DUOX1: variants seen among roughly 807,000 people sequenced by gnomAD.
The protein encoded by DUOX1 is dual oxidase 1.
Under a neutral mutation model 181.8 loss-of-function variants are expected in DUOX1, and 134 were observed. The observed-to-expected ratio is 0.74, with a 90% CI of 0.64 to 0.85. DUOX1 has a LOEUF of 0.85. Among genes scored for constraint, DUOX1 ranks in the 40% least tolerant of loss-of-function variants. DUOX1 has a pLI of 0.00. For synonymous variants in DUOX1, 798 were observed against 832.5 expected, an observed-to-expected ratio of 0.96 and a Z score of 0.71; for missense variants, 1,814 against 2,064.4, an observed-to-expected ratio of 0.88 and a Z score of 2.35.
intron 28 of DUOX1, among the ~76,000 whole-genome samples, chr15:45,157,067 T>C (rs552314937): frequency 2.6e-5 from 4 of 152,328 alleles, no homozygotes; most frequent in South Asian, 2.1e-4. Flanking sequence ...AACTGCACCA[T>C]GGCCTCGGTC....
Position 45,164,831 on chromosome 15 carries a change from T to C in DUOX1, c.4586T>C (p.Val1529Ala). The stretch of plus-strand genomic sequence containing the variant: ...GGCCCCCCTGGCATGACCAAGAATG[T>C]GGAAAAGGCCTGTCAGCTCATCAAC... ...SCGPPGMTKN[V>A]EKACQLINRQ... The change falls in exon 34 of 34, where the codon GTG becomes GCG. Residue 1529 changes from valine to alanine, a missense_variant. Physicochemically the swap from Val to Ala is moderately conservative, Grantham distance 64. This residue lies in a region of DUOX1 where 124 missense variants were observed against 125.7 expected (regional missense o/e 0.99). Coordinates refer to ENST00000389037, the MANE Select transcript of DUOX1 (RefSeq NM_175940.3). 2 of 1,614,048 alleles carry C rather than the reference T, an allele frequency of 1.2e-6. No individual in the cohort carries two copies. The highest frequency in any genetic ancestry group is 3.3e-4 in the Middle Eastern group (2 of 6,062).
Position 45,147,974 on chromosome 15 carries a change from G to A in DUOX1, c.2619G>A (p.Lys873=). The change falls in exon 20 of 34, where the codon AAG becomes AAA. Residue 873 remains lysine, a synonymous_variant. Coordinates refer to ENST00000389037, the MANE Select transcript of DUOX1 (RefSeq NM_175940.3). ...TTGATGGGAATGGCCTCATTTCCAA[G>A]GATGAGTTCATCAGGATGCTGAGGT... is the stretch of plus-strand genomic sequence containing the variant. ...YDFDGNGLIS[K]DEFIRMLRSF... The A allele has an allele frequency of 6.2e-7, 1 of 1,614,106 alleles. No individual in the cohort carries two copies. The highest frequency in any genetic ancestry group is 8.5e-7 in the Non-Finnish European group (1 of 1,179,918).
rs961368636 is a variant in DUOX1 at position 45,152,461 on chromosome 15, C to T, written c.3369C>T (p.Phe1123=). The T allele has an allele frequency of 2.5e-6, 4 of 1,614,082 alleles. No individual in the cohort carries two copies. The African/African-American group carries it at 4.0e-5, about 16-fold the overall frequency. The change falls in exon 25 of 34, where the codon TTC becomes TTT. Residue 1123 remains phenylalanine (F), a synonymous_variant. Coordinates refer to ENST00000389037, the MANE Select transcript of DUOX1 (RefSeq NM_175940.3). ...RETFLNRYVP[F]DAAVDFHRLI... is the part of the protein sequence containing the mutation. ...CCTTCCTCAACCGCTACGTGCCCTT[C>T]GACGCCGCCGTGGACTTCCATCGCC... is the stretch of plus-strand genomic sequence containing the variant.
In DUOX1 at chr15:45,144,093, C is replaced by T. The variant is rs1284175511; in HGVS notation, c.1994C>T (p.Pro665Leu). The T allele has an allele frequency of 6.2e-7, 1 of 1,613,896 alleles. No individual in the cohort carries two copies. Among genetic ancestry groups the T allele is most frequent in the African/African-American group, 1.3e-5 (1 of 74,934 alleles). The change falls in exon 17 of 34, where the codon CCC (proline) becomes CTC (leucine). Residue 665 changes from proline to leucine, a missense_variant. Transcript: ENST00000389037. ...PCRPVLVYLQ[P>L]GQIRVVDGRL... ...CGGCCCGTGCTTGTGTACCTGCAGCCCGGGCAGATCCGTGTGGTAGATGGC... is the reference window on the plus strand; with the variant it reads ...CGGCCCGTGCTTGTGTACCTGCAGCTCGGGCAGATCCGTGTGGTAGATGGC...
intron 28 of DUOX1, among the ~76,000 whole-genome samples, chr15:45,156,389 AG>A (rs1896970235): frequency 6.6e-6 from 1 of 152,182 alleles, no homozygotes; most frequent in Non-Finnish European, 1.5e-5. Context: ...ACAGTATATA[AG>A]CTTGTTCAAA....
intron 29 of DUOX1, among the ~76,000 whole-genome samples, chr15:45,161,414 T>TAAA: frequency 1.5e-4 from 2 of 13,336 alleles, no homozygotes; most frequent in Non-Finnish European, 2.6e-4. Context: ...TGAGACTGTG[T>TAAA]CAAAAAAAAA....
At chr15:45,158,788 C>A (rs1475577752) in intron 28 of DUOX1, among the ~76,000 whole-genome samples, 1 of 150,564 alleles carries the variant, frequency 6.6e-6, no homozygotes. Flanking sequence ...TAGGGCCCAG[C>A]AGCAGAAGGG....
rs747950105 is a variant in DUOX1, at chr15:45,136,605, GC to G, written c.1007del (p.Pro336LeufsTer5). 10 of 1,613,898 alleles carry G rather than the reference GC, an allele frequency of 6.2e-6. No individual in the cohort carries two copies. The highest frequency in any genetic ancestry group is 8.5e-6 in the Non-Finnish European group (10 of 1,180,014). On this transcript the variant is annotated frameshift_variant, in exon 9 of 34. Coordinates refer to ENST00000389037, the MANE Select transcript of DUOX1 (RefSeq NM_175940.3). LOFTEE classifies it high-confidence loss of function. Reference sequence around the variant, plus strand: ...CTGAGCAGTTCCTGTCCACCATGGTGCCCCCTGGCGTCTACATGAGGTGAGG... The same window carrying G: ...CTGAGCAGTTCCTGTCCACCATGGTGCCCCTGGCGTCTACATGAGGTGAGG... ...ASEQFLSTMV[P>X]PGVYMRNASC...
intron 11 of DUOX1, 76 bp downstream of exon 11, chr15:45,139,244 G>C (rs973715178): frequency 1.2e-6 from 2 of 1,608,932 alleles, no homozygotes; most frequent in African/African-American, 1.3e-5. Flanking sequence ...TCCAGAACCA[G>C]GTATGAGGGG....
Position 45,150,654 on chromosome 15 carries a change from C to T in DUOX1, c.2841C>T (p.Ile947=). 1 of 1,614,012 alleles carries T rather than the reference C, an allele frequency of 6.2e-7. No individual in the cohort carries two copies. Among genetic ancestry groups the T allele is most frequent in the Non-Finnish European group, 8.5e-7 (1 of 1,180,016 alleles). Residue 947 remains isoleucine (I), a synonymous_variant, in exon 22 of 34, where the codon ATC becomes ATT. Coordinates refer to ENST00000389037, the MANE Select transcript of DUOX1 (RefSeq NM_175940.3). ...CVKGVEVPEV[I]KDLCRRASYI... is the part of the protein sequence containing the mutation. ...CAGGGGTGGAGGTGCCTGAAGTCAT[C>T]AAGGACCTCTGCCGGCGAGCCTCCT...
chr15:45,133,790 C>A, intron 2 of DUOX1, 74 bp from the exon 3 acceptor site: 1 of 1,294,782 alleles, frequency 7.7e-7, no homozygotes, highest in Non-Finnish European at 1.1e-6. Context: ...CTCACAGCAC[C>A]CATATCCGGC....
chr15:45,144,697 C>T (rs1359078836), intron 17 of DUOX1, among the ~76,000 whole-genome samples, 198 bp from the exon 18 acceptor site: 1 of 152,250 alleles, frequency 6.6e-6, no homozygotes, highest in East Asian at 1.9e-4. Flanking sequence ...TGTCTTTGTA[C>T]ATGTGCCTTT....
chr15:45,161,890 C>T lies in DUOX1; in HGVS notation c.4009C>T (p.Arg1337Trp), dbSNP rs757743378. The T allele has an allele frequency of 3.7e-6, 6 of 1,613,986 alleles. No individual in the cohort carries two copies. The highest frequency in any genetic ancestry group is 1.1e-5 in the South Asian group (1 of 91,064). Reference protein sequence around the residue: ...PHEDTLSLHIRAAGPWTTRLR... With the variant: ...PHEDTLSLHIWAAGPWTTRLR... ...TGAGGACACGCTTAGCCTGCACATC[C>T]GGGCAGCAGGGCCCTGGACCACTCG... The change falls in exon 30 of 34, where the codon CGG becomes TGG. Residue 1337 changes from arginine to tryptophan, a missense_variant. Physicochemically the swap from Arg to Trp is moderately radical, Grantham distance 101. This residue lies in a region of DUOX1 where 279 missense variants were observed against 381.9 expected (regional missense o/e 0.73). Transcript: ENST00000389037.
chr15:45,151,873 G>T lies in DUOX1; in HGVS notation c.3015-1G>T. On this transcript the variant is annotated splice_acceptor_variant, in intron 23 of 33. Coordinates refer to ENST00000389037, the MANE Select transcript of DUOX1 (RefSeq NM_175940.3). LOFTEE classifies it high-confidence loss of function. ...AAAGGCTAAGGCTTCCTGTCTCCCA[G>T]GGTAACGTCATTCCAGCCCTTGCTG... 1 of 1,611,482 alleles carries T rather than the reference G, an allele frequency of 6.2e-7. No homozygotes were observed. The highest frequency in any genetic ancestry group is 2.2e-5 in the East Asian group (1 of 44,824).
intron 12 of DUOX1, 151 bp from the exon 13 acceptor site, chr15:45,140,744 T>C: frequency 1.5e-6 from 1 of 683,770 alleles, no homozygotes; most frequent in Non-Finnish European, 2.4e-6. Context: ...CTCAGAGAAG[T>C]GCCTGGGGCA....
intron 25 of DUOX1, 79 bp from the exon 26 acceptor site, chr15:45,153,301 G>C (rs1648304): frequency 0.47 from 503,628 of 1,066,466 alleles, 132,488 homozygotes; most frequent in Non-Finnish European, 0.56. Context: ...CTCTGGCCAG[G>C]GTCCTCGATC....
chr15:45,151,761 C>G, intron 23 of DUOX1, 113 bp from the exon 24 acceptor site: 1 of 1,137,218 alleles, frequency 8.8e-7, no homozygotes, highest in Non-Finnish European at 1.3e-6. Context: ...AGGTTTCTTT[C>G]TCGGAAGCAG....
intron 5 of DUOX1, 24 bp downstream of exon 5, chr15:45,135,315 AG>A (rs1567007857): frequency 6.3e-7 from 1 of 1,575,184 alleles, no homozygotes; most frequent in East Asian, 2.4e-5. Flanking sequence ...GGCGGCGGGA[AG>A]GGACCGCACC....
intron 2 of DUOX1, 68 bp from the exon 3 acceptor site, chr15:45,133,796 C>T (rs1896212590): frequency 3.6e-6 from 5 of 1,383,990 alleles, no homozygotes; most frequent in Non-Finnish European, 5.1e-6. Flanking sequence ...GCACCCATAT[C>T]CGGCAGGCCT....
Sources: gnomAD v4.1 joint callset for allele counts (sites outside exome capture counted in the v4.1 genomes callset) on GRCh38, gnomAD v4.1.1 for gene constraint, gnomAD v4.1.1 regional missense constraint, MANE v1.5 for transcripts, NCBI Gene and HGNC (gene_info 2026-07-23, HGNC 2026-07-21) for gene names.